Variants in CPS1 observed in about 807,000 individuals in gnomAD.
CPS1 encodes carbamoyl-phosphate synthase [ammonia], mitochondrial.
Under a neutral mutation model 174.6 loss-of-function variants are expected in CPS1, and 109 were observed. The ratio of observed to expected loss-of-function variants is 0.62; its 90% CI spans 0.53 to 0.73. The LOEUF is 0.73. Ranked by LOEUF, CPS1 falls within the 30% of genes least tolerant of loss-of-function variation. CPS1 has a pLI of 0.00. For missense variants in CPS1, 1,689 were observed against 1,821.9 expected, an observed-to-expected ratio of 0.93 and a Z score of 1.33; for synonymous variants, 637 against 632.0, an observed-to-expected ratio of 1.01 and a Z score of -0.12.
In CPS1 at chr2:210,628,136, G is replaced by T. The variant is rs1346421472; in HGVS notation, c.2688-9566G>T. Among the ~76,000 whole-genome samples, 3 of 152,048 alleles carry T rather than the reference G, an allele frequency of 2.0e-5. No individual in the cohort carries two copies. The East Asian group carries it at 5.8e-4, about 29-fold the overall frequency. ...TGGCCATCACAGCAATATCCACCTG[G>T]CAGTATTAAATTGCAGTTACTTCTT... On this transcript the variant is annotated intron_variant, in intron 21 of 37. Transcript: ENST00000233072.
rs201251176 is a variant in CPS1, at chr2:210,660,475, A to C, written c.3757-10A>C. The C allele has an allele frequency of 2.4e-5, 39 of 1,613,788 alleles. No homozygotes were observed. In the East Asian group the frequency reaches 8.2e-4, roughly 34 times the overall value. ...TGTCCTCTTTCTCATTTTGAATTTT[A>C]TCTCTTCAGGTGATTGAGTGTAACT... On this transcript the variant is annotated splice_polypyrimidine_tract_variant and intron_variant, in intron 31 of 37. Coordinates refer to ENST00000233072, the MANE Select transcript of CPS1 (RefSeq NM_001875.5).
In CPS1 at chr2:210,677,023, A is replaced by C; in HGVS notation, c.4291A>C (p.Ser1431Arg). The change falls in exon 37 of 38, where the codon AGC becomes CGC. Residue 1431 changes from serine (S) to arginine (R), a missense_variant. Transcript: ENST00000233072. ...SSIRKLIRDG[S>R]IDLVINLPNN... ...TTTTTCCAGATTGATTAGAGATGGC[A>C]GCATTGACCTAGTGATTAACCTTCC... 6.2e-7 allele frequency: 1 copy of C among 1,613,720 alleles called. No homozygotes were observed. Among genetic ancestry groups the C allele is most frequent in the Non-Finnish European group, 8.5e-7 (1 of 1,179,644 alleles).
chr2:210,510,870 G>T (rs982345535), intron 1 of CPS1, among the ~76,000 whole-genome samples: 2 of 152,202 alleles, frequency 1.3e-5, no homozygotes, highest in African/African-American at 4.8e-5. Context: ...TCATTAAGAA[G>T]TCAGGAAACA....
chr2:210,609,491 A>C (rs1478555415), intron 19 of CPS1, among the ~76,000 whole-genome samples: 1 of 152,132 alleles, frequency 6.6e-6, no homozygotes, highest in East Asian at 1.9e-4. Context: ...CAGGATTCTT[A>C]TAATACCCCC....
chr2:210,599,689 C>T (rs1698640547), intron 14 of CPS1, 128 bp downstream of exon 14: 1 of 1,004,966 alleles, frequency 1.0e-6, no homozygotes, highest in African/African-American at 1.6e-5. Context: ...TGTGAGAAAG[C>T]AGTTAGCAAA....
rs115236271 is a variant in CPS1 at position 210,633,217 on chromosome 2, A to G, written c.2688-4485A>G. 3.0e-3 allele frequency among the ~76,000 whole-genome samples: 452 copies of G among 151,830 alleles called. 2 individuals are homozygous for G. The highest frequency in any genetic ancestry group is 4.1e-3 in the Non-Finnish European group (279 of 67,964). On this transcript the variant is annotated intron_variant, in intron 21 of 37. Transcript: ENST00000233072. ...AAAACTCTCTGGTGTGGGAAATGCTATGGGCAGGGGAGCAGTAACAGTTGA... is the reference window on the plus strand; with the variant it reads ...AAAACTCTCTGGTGTGGGAAATGCTGTGGGCAGGGGAGCAGTAACAGTTGA...
intron 34 of CPS1, chr2:210,672,688 T>G (rs1318634782): frequency 1.3e-5 from 2 of 152,198 alleles, no homozygotes; most frequent in African/African-American, 4.8e-5. Flanking sequence ...TTCTTGCATC[T>G]AAGCTCATTT....
chr2:210,503,915 G>T (rs888741684), intron 1 of CPS1, among the ~76,000 whole-genome samples: 4 of 152,146 alleles, frequency 2.6e-5, no homozygotes, highest in Non-Finnish European at 4.4e-5. Context: ...CAATAATAGG[G>T]TGTGCTTCTC....
chr2:210,652,949 A>G (rs887180208), intron 28 of CPS1, among the ~76,000 whole-genome samples: 1 of 152,232 alleles, frequency 6.6e-6, no homozygotes, highest in Non-Finnish European at 1.5e-5. Flanking sequence ...AGAAAGAAGC[A>G]CAGAAATGTA....
intron 27 of CPS1, 152 bp from the exon 28 acceptor site, chr2:210,650,211 G>A (rs1243688791): frequency 1.4e-6 from 1 of 692,028 alleles, no homozygotes; most frequent in Non-Finnish European, 2.6e-6. Flanking sequence ...GATTGTCCTG[G>A]TGATTAAATG....
At chr2:210,508,173 A>T (rs1266244601) in intron 1 of CPS1, among the ~76,000 whole-genome samples, 2 of 150,066 alleles carry the variant, frequency 1.3e-5, no homozygotes, top group Admixed American at 1.3e-4. Context: ...ATTATAACAA[A>T]CTGTCTCTCA....
intron 1 of CPS1, among the ~76,000 whole-genome samples, chr2:210,530,058 T>C (rs1696078025): frequency 6.6e-6 from 1 of 152,080 alleles, no homozygotes; most frequent in Non-Finnish European, 1.5e-5. Context: ...TGTAATATAA[T>C]ATCTTGGTAA....
chr2:210,589,062 A>G (rs1698200675), intron 7 of CPS1, among the ~76,000 whole-genome samples: 1 of 151,926 alleles, frequency 6.6e-6, no homozygotes, highest in South Asian at 2.1e-4. Flanking sequence ...GTAGCCCCCA[A>G]CCAAAGCACA....
chr2:210,632,235 A>C (rs543926405), intron 21 of CPS1, among the ~76,000 whole-genome samples: 2 of 152,338 alleles, frequency 1.3e-5, no homozygotes, highest in South Asian at 4.1e-4. Context: ...GTTTTGGCAA[A>C]CAAAATGGAG....
chr2:210,578,066 A>T (rs1697773984), intron 4 of CPS1, among the ~76,000 whole-genome samples: 1 of 152,160 alleles, frequency 6.6e-6, no homozygotes, highest in Admixed American at 6.6e-5. Flanking sequence ...ATGTAAGAAA[A>T]GGGTTATAAA....
intron 1 of CPS1, among the ~76,000 whole-genome samples, chr2:210,539,127 A>G (rs1160819718): frequency 6.6e-6 from 1 of 152,202 alleles, no homozygotes; most frequent in Non-Finnish European, 1.5e-5. Context: ...AAGATCACTT[A>G]TGTGCTTCAC....
chr2:210,500,357 G>C (rs1489038415), intron 1 of CPS1, among the ~76,000 whole-genome samples: 4 of 152,056 alleles, frequency 2.6e-5, no homozygotes, highest in African/African-American at 9.7e-5. Flanking sequence ...ATTCATTCCA[G>C]CATTAACCCA....
chr2:210,592,521 C>T (rs1698342136), intron 10 of CPS1, among the ~76,000 whole-genome samples: 1 of 151,894 alleles, frequency 6.6e-6, no homozygotes, highest in African/African-American at 2.4e-5. Context: ...TGAGAAGACC[C>T]TTGGAAAAGT....
At chr2:210,516,389 A>G (rs1174646703) in intron 1 of CPS1, among the ~76,000 whole-genome samples, 2 of 151,610 alleles carry the variant, frequency 1.3e-5, no homozygotes, top group East Asian at 1.9e-4. Flanking sequence ...TACACCTTCT[A>G]TTTTCTAACA....
Sources: allele counts gnomAD v4.1 joint callset (sites outside exome capture counted in the v4.1 genomes callset), GRCh38; gene constraint gnomAD v4.1.1; transcripts MANE v1.5; gene names NCBI Gene and HGNC (gene_info 2026-07-23, HGNC 2026-07-21).